PARVA: variants seen among roughly 807,000 people sequenced by gnomAD.
PARVA encodes parvin alpha.
PARVA carries 25 observed loss-of-function variants against 52.6 expected under a neutral mutation model. That is an observed-to-expected ratio of 0.48 (90% CI 0.35 to 0.66). The LOEUF (loss-of-function observed/expected upper bound fraction) is 0.66, where lower values mean the gene tolerates loss of function less well. PARVA is among the 30% of genes least tolerant of loss of function. The pLI is 0.01. For missense variants in PARVA, 373 were observed against 450.9 expected (o/e 0.83, Z 1.56); for synonymous variants, 185 against 179.1 (o/e 1.03, Z -0.26).
chr11:12,477,780 G>A (rs976736442), intron 3 of PARVA, 67 bp from the exon 4 acceptor site: 2 of 824,630 alleles, frequency 2.4e-6, no homozygotes, highest in Admixed American at 1.8e-5. Flanking sequence ...TAAGAAAGCT[G>A]GTCTGTAAGA....
chr11:12,408,606 G>T (rs1202839576), intron 1 of PARVA, among the ~76,000 whole-genome samples: 1 of 152,164 alleles, frequency 6.6e-6, no homozygotes, highest in Non-Finnish European at 1.5e-5. Context: ...GTTCTGGGAA[G>T]TTGGCCATAT....
At chr11:12,437,481 T>C (rs1195367296) in intron 1 of PARVA, among the ~76,000 whole-genome samples, 3 of 152,260 alleles carry the variant, frequency 2.0e-5, no homozygotes, top group African/African-American at 4.8e-5. Context: ...ACTGGCCATC[T>C]TGGCAGTCTT....
At chr11:12,491,857 C>T (rs1335356382) in intron 4 of PARVA, among the ~76,000 whole-genome samples, 1 of 152,090 alleles carries the variant, frequency 6.6e-6, no homozygotes, top group African/African-American at 2.4e-5. Context: ...CTGTATATAG[C>T]ATATGATACC....
chr11:12,507,691 C>T lies in PARVA; in HGVS notation c.658-893C>T, dbSNP rs550608053. Among the ~76,000 whole-genome samples the T allele has an allele frequency of 1.4e-4, 22 of 152,214 alleles. No individual in the cohort carries two copies. The East Asian group carries it at 2.3e-3, about 16-fold the overall frequency. On this transcript the variant is annotated intron_variant, in intron 6 of 12. Transcript: ENST00000334956. Reference sequence around the variant, plus strand: ...CTGGCCTGCATTCAGCACTTTCTGCCGAGGGTGACCACGTAATCTATTATT... The same window carrying T: ...CTGGCCTGCATTCAGCACTTTCTGCTGAGGGTGACCACGTAATCTATTATT...
intron 1 of PARVA, among the ~76,000 whole-genome samples, chr11:12,386,327 CAT>C (rs772149399): frequency 2.8e-4 from 43 of 152,326 alleles, no homozygotes; most frequent in Admixed American, 9.1e-4. Flanking sequence ...TTTTCTTTCA[CAT>C]GTTTATGCCT....
chr11:12,523,276 A>G (rs1410968780), intron 12 of PARVA, among the ~76,000 whole-genome samples: 1 of 152,188 alleles, frequency 6.6e-6, no homozygotes, highest in Non-Finnish European at 1.5e-5. Flanking sequence ...ATAGAGGCGC[A>G]GGGAGGTCGG....
chr11:12,407,603 T>C lies in PARVA; in HGVS notation c.136+29820T>C, dbSNP rs1939930945. On this transcript the variant is annotated intron_variant, in intron 1 of 12. Transcript: ENST00000334956. ...TAGGCTCCAGTTACATGTTACAGTG[T>C]CCAATTTTTTCTCCTCTTGGTCTCT... 2.0e-5 allele frequency among the ~76,000 whole-genome samples: 3 copies of C among 152,312 alleles called. No individual in the cohort carries two copies. In the South Asian group the frequency reaches 6.2e-4, roughly 32 times the overall value.
At chr11:12,415,239 G>A (rs1473044305) in intron 1 of PARVA, among the ~76,000 whole-genome samples, 1 of 152,202 alleles carries the variant, frequency 6.6e-6, no homozygotes, top group Non-Finnish European at 1.5e-5. Context: ...TGAGGCTCAT[G>A]GGAGCAAAGA....
chr11:12,434,242 G>A (rs937653504), intron 1 of PARVA, among the ~76,000 whole-genome samples: 3 of 152,142 alleles, frequency 2.0e-5, no homozygotes, highest in Non-Finnish European at 2.9e-5. Context: ...TACTGACACC[G>A]AGGAGTTTTG....
chr11:12,461,741 C>A (rs1288442065), intron 1 of PARVA, among the ~76,000 whole-genome samples: 2 of 152,220 alleles, frequency 1.3e-5, no homozygotes, highest in Admixed American at 6.5e-5. Flanking sequence ...AGACTTCCAA[C>A]TCTGCAGAGC....
chr11:12,397,176 A>T (rs184807300), intron 1 of PARVA, among the ~76,000 whole-genome samples: 156 of 152,318 alleles, frequency 1.0e-3, no homozygotes, highest in Non-Finnish European at 1.5e-3. Flanking sequence ...ATTGATGAAC[A>T]TTTAAGTTTT....
chr11:12,525,733 A>C (rs537250213), intron 12 of PARVA, among the ~76,000 whole-genome samples: 1 of 151,846 alleles, frequency 6.6e-6, no homozygotes, highest in African/African-American at 2.4e-5. Context: ...AGAGGCTCAG[A>C]TATGTGATGA....
chr11:12,512,878 CTTGT>C (rs763747712), intron 8 of PARVA, among the ~76,000 whole-genome samples: 52 of 152,310 alleles, frequency 3.4e-4, no homozygotes, highest in South Asian at 1.2e-3. Flanking sequence ...CCTCTGCCAG[CTTGT>C]TTGTCATGGG....
chr11:12,382,803 T>C (rs928262824), intron 1 of PARVA, among the ~76,000 whole-genome samples: 1 of 152,232 alleles, frequency 6.6e-6, no homozygotes, highest in Non-Finnish European at 1.5e-5. Context: ...CCTCTGTGTC[T>C]TCATCTATAA....
rs560299521 is a variant in PARVA, at chr11:12,495,407, A to G, written c.401-1051A>G. On this transcript the variant is annotated intron_variant, in intron 4 of 12. Transcript: ENST00000334956. The stretch of plus-strand genomic sequence containing the variant: ...AGCATTAGGGAAAATATTGATACAT[A>G]GTAAAATTTAACTTGTATAGCAGCC... 6.6e-5 allele frequency among the ~76,000 whole-genome samples: 10 copies of G among 152,368 alleles called. No individual in the cohort carries two copies. In the South Asian group the frequency reaches 2.1e-3, roughly 32 times the overall value.
chr11:12,393,044 G>GAAAAAAAAAAAAAAA (rs60966710), intron 1 of PARVA, among the ~76,000 whole-genome samples: 4 of 46,128 alleles, frequency 8.7e-5, no homozygotes, highest in African/African-American at 1.2e-4. Flanking sequence ...CCCAAATTGT[G>GAAAAAAAAAAAAAAA]AAAAAAAAAA....
At chr11:12,513,122 C>T in intron 8 of PARVA, 177 bp from the exon 9 acceptor site, 3 of 716,438 alleles carry the variant, frequency 4.2e-6, no homozygotes, top group South Asian at 2.9e-5. Context: ...GTGAGAATCA[C>T]CCCAAATCTT....
chr11:12,481,895 C>T (rs932073532), intron 4 of PARVA, among the ~76,000 whole-genome samples: 18 of 152,072 alleles, frequency 1.2e-4, no homozygotes, highest in African/African-American at 3.9e-4. Flanking sequence ...CAGGGCCAGG[C>T]GTGGTGGCTC....
At position 12,528,657 on chromosome 11, in the gene PARVA, G is replaced by A. The variant is rs554257141; in HGVS notation, c.*732G>A. On this transcript the variant is annotated 3_prime_UTR_variant, in exon 13 of 13. Coordinates refer to ENST00000334956, the MANE Select transcript of PARVA (RefSeq NM_018222.5). ...ACATGTACACCTGAGCCAAAAACACGAGAACCCACTGATCTCACCACTGGG... is the reference window on the plus strand; with the variant it reads ...ACATGTACACCTGAGCCAAAAACACAAGAACCCACTGATCTCACCACTGGG... 5.9e-5 allele frequency: 9 copies of A among 152,746 alleles called. No individual in the cohort carries two copies. Among genetic ancestry groups the A allele is most frequent in the South Asian group, 4.1e-4 (2 of 4,824 alleles). 9.5% of individuals were successfully genotyped at this position (152,746 alleles called of 1,614,324 possible).
Sources: gnomAD v4.1 joint callset for allele counts (sites outside exome capture counted in the v4.1 genomes callset) on GRCh38, gnomAD v4.1.1 for gene constraint, MANE v1.5 for transcripts, NCBI Gene and HGNC (gene_info 2026-07-23, HGNC 2026-07-21) for gene names.